The following PAX6 variants were observed in gnomAD, a reference collection of about 807,000 sequenced individuals.
The protein encoded by PAX6 is paired box protein Pax-6.
A neutral mutation model predicts 60.7 loss-of-function variants in PAX6; 7 were observed. The ratio of observed to expected loss-of-function variants is 0.12; its 90% CI spans 0.07 to 0.22. The LOEUF is 0.22. PAX6 is among the 10% of genes least tolerant of loss of function. The pLI, the probability that PAX6 is intolerant of heterozygous loss-of-function variation, is 1.00. For missense variants in PAX6, 355 were observed against 555.2 expected (o/e 0.64, Z 3.62); for synonymous variants, 208 against 201.2 (o/e 1.03, Z -0.29).
At chr11:31,812,045 CA>C (rs1211507911), upstream of PAX6, 1 of 152,732 alleles carries the variant, frequency 6.5e-6, no homozygotes, top group Non-Finnish European at 1.5e-5. Context: ...CGCAGCGGAG[CA>C]GAGGCACAGC....
chr11:31,800,121 G>A lies in PAX6; in HGVS notation c.565+570C>T, dbSNP rs551234669. ...CATAGTCGCCACCCACAGAGAGTGA[G>A]AAAGTGGGACCCAGAGGGGCGAACG... On this transcript the variant is annotated intron_variant, in intron 8 of 13. Coordinates refer to ENST00000640368, the MANE Select transcript of PAX6 (RefSeq NM_001368894.2). Among the ~76,000 whole-genome samples, 39 of 152,184 alleles carry A rather than the reference G, an allele frequency of 2.6e-4. No individual in the cohort carries two copies. In the Middle Eastern group the frequency reaches 0.01, roughly 40 times the overall value.
Position 31,801,870 on chromosome 11 carries a change from C to T in PAX6, c.183+1G>A. The T allele has an allele frequency of 1.9e-6, 3 of 1,613,996 alleles. No homozygotes were observed. Among genetic ancestry groups the T allele is most frequent in the Admixed American group, 1.7e-5 (1 of 60,024 alleles). ...TATGCATTAAACAATGACAAGCTTA[C>T]GTTTTGATTGTCCAGCACTTGGACT... On this transcript the variant is annotated splice_donor_variant, in intron 6 of 13. Coordinates refer to ENST00000640368, the MANE Select transcript of PAX6 (RefSeq NM_001368894.2). LOFTEE classifies it high-confidence loss of function.
At chr11:31,790,902 T>C (rs1949713521) in intron 12 of PAX6, 42 bp from the exon 13 acceptor site, 1 of 1,605,054 alleles carries the variant, frequency 6.2e-7, no homozygotes, top group Admixed American at 1.7e-5. Flanking sequence ...GAGGAACACA[T>C]CACACAGCCA....
chr11:31,792,994 A>G, intron 12 of PAX6: 1 of 487,802 alleles, frequency 2.1e-6, no homozygotes, highest in East Asian at 3.5e-5. Context: ...AGTTTATCAC[A>G]TATACCCAAA....
upstream of PAX6, chr11:31,814,990 GTCTCTCTCTCTCTCTCTCTCTCTC>G (rs71060502): frequency 7.7e-6 from 1 of 130,368 alleles, no homozygotes. Flanking sequence ...AGGCCAGCCT[GTCTCTCTCTCTCTCTCTCTCTCTC>G]TCTCTCTCTC....
rs760490431 is a variant in PAX6, at chr11:31,801,735, G to A, written c.225C>T (p.Tyr75=). Residue 75 remains tyrosine, a synonymous_variant, in exon 7 of 14, where the codon TAC becomes TAT. Coordinates refer to ENST00000640368, the MANE Select transcript of PAX6 (RefSeq NM_001368894.2). ...GCVSKILGRY[Y]ETGSIRPRAI... is the part of the protein sequence containing the mutation. Reference sequence around the variant, plus strand: ...CCCTGGGTCTGATGGAGCCAGTCTCGTAATACCTGCCCAGAATTTTACTCA... The same window carrying A: ...CCCTGGGTCTGATGGAGCCAGTCTCATAATACCTGCCCAGAATTTTACTCA... 1.2e-5 allele frequency: 20 copies of A among 1,614,058 alleles called. No individual in the cohort carries two copies. The South Asian group carries it at 1.3e-4, about 11-fold the overall frequency.
At chr11:31,802,019 T>A in intron 5 of PAX6, 107 bp from the exon 6 acceptor site, 1 of 909,236 alleles carries the variant, frequency 1.1e-6, no homozygotes, top group Non-Finnish European at 1.7e-6. Context: ...GATGATACTT[T>A]CAAACAATTT....
intron 1 of PAX6, chr11:31,816,459 G>T (rs936484387): frequency 4.4e-6 from 3 of 681,704 alleles, no homozygotes; most frequent in Non-Finnish European, 5.4e-6. Context: ...GCGTTTTCTC[G>T]CCGTGACAGC....
intron 8 of PAX6, among the ~76,000 whole-genome samples, chr11:31,798,647 A>C (rs1442028046): frequency 6.6e-6 from 1 of 152,128 alleles, no homozygotes; most frequent in African/African-American, 2.4e-5. Flanking sequence ...ATCACCCCCC[A>C]AAAACCTCAC....
At chr11:31,814,205 G>T (rs1463324780), upstream of PAX6, 1 of 152,274 alleles carries the variant, frequency 6.6e-6, no homozygotes, top group East Asian at 1.9e-4. Flanking sequence ...GGGCCGCCGG[G>T]GTCGTCCCAC....
chr11:31,801,440 C>CA, intron 7 of PAX6, 121 bp downstream of exon 7: 1 of 1,569,280 alleles, frequency 6.4e-7, no homozygotes, highest in South Asian at 1.2e-5. Context: ...ACAAAGGAGA[C>CA]AAATGTGGAG....
intron 12 of PAX6, 62 bp from the exon 13 acceptor site, chr11:31,790,922 G>T (rs1024401851): frequency 6.4e-7 from 1 of 1,563,866 alleles, no homozygotes; most frequent in Non-Finnish European, 8.7e-7. Context: ...ACAGCCCCAG[G>T]CTCCCTCCTC....
At chr11:31,801,000 G>A in intron 7 of PAX6, 144 bp from the exon 8 acceptor site, 1 of 875,300 alleles carries the variant, frequency 1.1e-6, no homozygotes, top group East Asian at 2.6e-5. Context: ...TGGATTTGCA[G>A]ATACACCGTG....
upstream of PAX6, chr11:31,813,244 G>T (rs962549777): frequency 4.6e-5 from 7 of 152,204 alleles, no homozygotes; most frequent in South Asian, 1.5e-3. Context: ...GGAGGATGCC[G>T]GCAAGTGGGG....
chr11:31,790,849 G>A lies in PAX6; in HGVS notation c.1086C>T (p.Pro362=). The A allele has an allele frequency of 6.2e-7, 1 of 1,614,056 alleles. No homozygotes were observed. Among genetic ancestry groups the A allele is most frequent in the South Asian group, 1.1e-5 (1 of 91,070 alleles). The change falls in exon 13 of 14, where the codon CCC becomes CCT. Residue 362 remains proline (P), a synonymous_variant. Transcript: ENST00000640368. ...ANNLPMQPPV[P]SQTSSYSCML... ...TGCAGGAGTATGAGGAGGTCTGGCT[G>A]GGGACTGGGGGCTGTGAGGAGAGAG...
chr11:31,799,604 C>G (rs545942539), intron 8 of PAX6, among the ~76,000 whole-genome samples: 5 of 152,182 alleles, frequency 3.3e-5, no homozygotes, highest in Non-Finnish European at 7.3e-5. Flanking sequence ...CAAATTCTTG[C>G]GAGTGACAGA....
upstream of PAX6, chr11:31,812,655 G>C (rs1388448114): frequency 6.5e-6 from 1 of 152,910 alleles, no homozygotes; most frequent in Non-Finnish European, 1.5e-5. Flanking sequence ...GCGCTGTCCC[G>C]AGCTCTCTCG....
intron 8 of PAX6, among the ~76,000 whole-genome samples, chr11:31,798,351 T>C (rs1391330190): frequency 4.6e-5 from 7 of 152,122 alleles, no homozygotes; most frequent in Non-Finnish European, 8.8e-5. Context: ...CCGCATGGCG[T>C]TGATCAGATG....
chr11:31,802,562 G>A, intron 5 of PAX6, 142 bp downstream of exon 5: 1 of 788,644 alleles, frequency 1.3e-6, no homozygotes, highest in Non-Finnish European at 2.0e-6. Context: ...GAAGGCAGGG[G>A]AGTGGGTGGG....
Sources: gnomAD v4.1 joint callset for allele counts (sites outside exome capture counted in the v4.1 genomes callset) on GRCh38, gnomAD v4.1.1 for gene constraint, MANE v1.5 for transcripts, NCBI Gene and HGNC (gene_info 2026-07-23, HGNC 2026-07-21) for gene names.